FAM149A: variants seen among roughly 807,000 people sequenced by gnomAD.
FAM149A encodes family with sequence similarity 149 member A.
FAM149A carries 71 observed loss-of-function variants against 78.2 expected under a neutral mutation model. The ratio of observed to expected loss-of-function variants is 0.91; its 90% confidence interval spans 0.75 to 1.11. The LOEUF (loss-of-function observed/expected upper bound fraction) is 1.11, where lower values mean the gene tolerates loss of function less well. Ranked by LOEUF, FAM149A falls within the 50% of genes least tolerant of loss-of-function variation. The pLI, the probability that FAM149A is intolerant of heterozygous loss-of-function variation, is 0.00. For missense variants in FAM149A, 1,036 were observed against 971.0 expected, an observed-to-expected ratio of 1.07 and a Z score of -0.89; for synonymous variants, 446 against 410.5, an observed-to-expected ratio of 1.09 and a Z score of -1.04.
intron 1 of FAM149A, chr4:186,126,024 C>T: frequency 1.0e-6 from 1 of 985,402 alleles, no homozygotes; most frequent in Non-Finnish European, 1.2e-6. Flanking sequence ...CATCTCCTTC[C>T]TCCCTTATAT....
At chr4:186,148,496 G>A (rs1364973923) in intron 1 of FAM149A, among the ~76,000 whole-genome samples, 2 of 152,184 alleles carry the variant, frequency 1.3e-5, no homozygotes, top group East Asian at 1.9e-4. Context: ...TTGACTAGAG[G>A]AAGTAAATGT....
chr4:186,160,107 C>T lies in FAM149A; in HGVS notation c.1575+2388C>T, dbSNP rs533186554. Among the ~76,000 whole-genome samples the T allele has an allele frequency of 6.0e-3, 845 of 140,666 alleles. 16 individuals carry two copies. The highest frequency in any genetic ancestry group is 0.021 in the African/African-American group (798 of 37,518). 92.3% of individuals were successfully genotyped at this position (140,666 alleles called of 152,430 possible). ...ACACATACCACATACACACTACACA[C>T]ACCACGCACACACACCACACACCAA... is the stretch of plus-strand genomic sequence containing the variant. On this transcript the variant is annotated intron_variant, in intron 8 of 13. Transcript: ENST00000389354.
chr4:186,145,250 C>A, intron 1 of FAM149A: 2 of 676,874 alleles, frequency 3.0e-6, no homozygotes, highest in Non-Finnish European at 3.7e-6. Context: ...CGGCCCCGGG[C>A]ATGGCTCACG....
chr4:186,132,308 GTAAATAAGACTGTGTTATTGATGCAGAGA>G, intron 1 of FAM149A: 1 of 788,946 alleles, frequency 1.3e-6, no homozygotes, highest in Non-Finnish European at 1.5e-6. Flanking sequence ...AAAAGCTACA[GTAAATAAGACTGTGTTATTGATGCAGAGA>G]TAAACAGTGG....
intron 1 of FAM149A, chr4:186,126,088 A>G (rs1347944663): frequency 2.1e-5 from 21 of 985,264 alleles, no homozygotes; most frequent in Non-Finnish European, 2.5e-5. Flanking sequence ...GCTTGTTTCC[A>G]ATATTTGAAA....
chr4:186,123,417 G>A (rs1278661935), intron 1 of FAM149A: 1 of 956,866 alleles, frequency 1.0e-6, no homozygotes, highest in East Asian at 1.1e-4. Context: ...TGGGCCTTTT[G>A]TTCCTGTATG....
chr4:186,135,878 G>A (rs66744640), intron 1 of FAM149A, among the ~76,000 whole-genome samples: 29,533 of 152,236 alleles, frequency 0.19, 3,161 homozygotes, highest in South Asian at 0.28. Context: ...TTGTGTGACC[G>A]CAGCGGGGAG....
chr4:186,128,209 G>A (rs1489011654), intron 1 of FAM149A, among the ~76,000 whole-genome samples: 2 of 151,766 alleles, frequency 1.3e-5, no homozygotes, highest in African/African-American at 4.8e-5. Context: ...GGCTGGTCTC[G>A]AAATCCCAGC....
At chr4:186,147,959 C>G (rs1733187259) in intron 1 of FAM149A, among the ~76,000 whole-genome samples, 1 of 152,204 alleles carries the variant, frequency 6.6e-6, no homozygotes, top group Admixed American at 6.5e-5. Flanking sequence ...CTATTATTCT[C>G]TCTTGCATGA....
intron 13 of FAM149A, chr4:186,171,007 A>T (rs899870366): frequency 1.3e-5 from 2 of 152,384 alleles, no homozygotes; most frequent in Non-Finnish European, 2.9e-5. Flanking sequence ...AATCATTCCA[A>T]TCAGTGATTC....
chr4:186,155,049 G>A (rs1299465961), intron 6 of FAM149A: 2 of 540,098 alleles, frequency 3.7e-6, no homozygotes, highest in East Asian at 1.5e-4. Flanking sequence ...TGCAAACTCC[G>A]CCTCCCGGGT....
chr4:186,132,559 C>T (rs1213209521), intron 1 of FAM149A, among the ~76,000 whole-genome samples: 2 of 152,066 alleles, frequency 1.3e-5, no homozygotes, highest in Non-Finnish European at 2.9e-5. Flanking sequence ...GTGCCTTTTT[C>T]CAAAGATGGT....
intron 1 of FAM149A, among the ~76,000 whole-genome samples, chr4:186,137,031 G>C (rs1268616195): frequency 1.4e-4 from 19 of 131,098 alleles, no homozygotes; most frequent in Non-Finnish European, 2.8e-4. Flanking sequence ...AGTGCTTAAA[G>C]CAGGGCCTGG....
At chr4:186,116,389 T>C (rs1009269571) in intron 1 of FAM149A, 3 of 824,294 alleles carry the variant, frequency 3.6e-6, no homozygotes, top group Non-Finnish European at 4.4e-6. Context: ...AGACCGGAGC[T>C]GTTCCTATTT....
intron 8 of FAM149A, chr4:186,158,713 G>T (rs1055309546): frequency 5.4e-6 from 6 of 1,107,644 alleles, no homozygotes; most frequent in Admixed American, 4.0e-5. Context: ...CTGCTCTGAA[G>T]GTGCAGGTAC....
At chr4:186,127,214 C>T (rs1461382712) in intron 1 of FAM149A, 30 of 965,538 alleles carry the variant, frequency 3.1e-5, no homozygotes, top group Middle Eastern at 5.3e-4. Flanking sequence ...TTGAAATCAG[C>T]CAAGGAGGAA....
chr4:186,151,791 G>A, intron 3 of FAM149A, 112 bp from the exon 4 acceptor site: 3 of 1,475,522 alleles, frequency 2.0e-6, no homozygotes, highest in Admixed American at 4.3e-5. Flanking sequence ...TTTTTACCAA[G>A]TGATGCACCC....
chr4:186,150,178 T>C (rs987452151), intron 3 of FAM149A, among the ~76,000 whole-genome samples: 13 of 152,086 alleles, frequency 8.5e-5, no homozygotes, highest in African/African-American at 2.9e-4. Context: ...GAGCCTGGGA[T>C]TCTGGCTGGG....
rs564444039 is a variant in FAM149A, at chr4:186,151,664, C to T, written c.790-239C>T. 5 of 941,552 alleles carry T rather than the reference C, an allele frequency of 5.3e-6. No homozygotes were observed. The South Asian group carries it at 2.0e-4, about 37-fold the overall frequency. The allele number at this position is 941,552 out of a possible 1,614,324, so 58.3% of individuals were successfully genotyped here. A position where few individuals can be genotyped will look rare whatever the true frequency, so the allele number is the denominator to read the frequency against. ...TGCAAATTCTTGAGTCTCATAACTT[C>T]CGTGGCAGAAGTTTTCTCTATTTAA... On this transcript the variant is annotated intron_variant, in intron 3 of 13. Transcript: ENST00000389354.
Sources: allele counts gnomAD v4.1 joint callset (sites outside exome capture counted in the v4.1 genomes callset), GRCh38; gene constraint gnomAD v4.1.1; transcripts MANE v1.5; gene names NCBI Gene and HGNC (gene_info 2026-07-23, HGNC 2026-07-21).